Variants in LGR4 observed in about 807,000 individuals in gnomAD.
LGR4 encodes the protein leucine rich repeat containing G protein-coupled receptor 4, also known as leucine-rich repeat-containing G protein-coupled receptor 4.
A neutral mutation model predicts 84.8 loss-of-function variants in LGR4; 44 were observed. The ratio of observed to expected loss-of-function variants is 0.52; its 90% confidence interval spans 0.41 to 0.67. The LOEUF (loss-of-function observed/expected upper bound fraction) is 0.67, where lower values mean the gene tolerates loss of function less well. LGR4 is among the 30% of genes least tolerant of loss of function. The probability of loss-of-function intolerance (pLI) is 0.00; values close to 1 mark genes in which losing one functional copy is unlikely to be tolerated. For missense variants in LGR4, 1,032 were observed against 1,131.4 expected, an observed-to-expected ratio of 0.91 and a Z score of 1.26; for synonymous variants, 429 against 434.3, an observed-to-expected ratio of 0.99 and a Z score of 0.15.
At chr11:27,380,550 T>G (rs1863072826) in intron 9 of LGR4, 90 bp downstream of exon 9, 2 of 974,274 alleles carry the variant, frequency 2.1e-6, no homozygotes, top group Middle Eastern at 3.2e-4. Context: ...TTTAAAGATT[T>G]TGTTTTCTGG....
intron 13 of LGR4, 74 bp downstream of exon 13, chr11:27,376,225 C>G: frequency 2.3e-6 from 2 of 852,054 alleles, no homozygotes; most frequent in South Asian, 3.0e-5. Context: ...TATCTAGTAA[C>G]ATGGAAATCA....
intron 1 of LGR4, among the ~76,000 whole-genome samples, chr11:27,460,833 C>G (rs1209868066): frequency 1.3e-5 from 2 of 151,764 alleles, no homozygotes; most frequent in Non-Finnish European, 2.9e-5. Context: ...GGGACTGGGT[C>G]AAGCTATTCA....
At position 27,472,638 on chromosome 11, in the gene LGR4, C is replaced by G. The variant is rs1444310464; in HGVS notation, c.-336G>C. ...TCCCTGGCCTCTCAATGCAGCGGCT[C>G]TTCAAGGTTGCAGAGCGCAGCCTTC... On this transcript the variant is annotated 5_prime_UTR_variant, in exon 1 of 18. Coordinates refer to ENST00000379214, the MANE Select transcript of LGR4 (RefSeq NM_018490.5). The G allele has an allele frequency of 8.4e-6, 3 of 357,384 alleles. No homozygotes were observed. The highest frequency in any genetic ancestry group is 1.5e-5 in the Non-Finnish European group (3 of 199,480). 22.1% of individuals were successfully genotyped at this position (357,384 alleles called of 1,614,324 possible). A position where few individuals can be genotyped will look rare whatever the true frequency, so the allele number is the denominator to read the frequency against.
At chr11:27,391,235 C>CT (rs35556457) in intron 3 of LGR4, 70 bp from the exon 4 acceptor site, 90 of 444,672 alleles carry the variant, frequency 2.0e-4, no homozygotes, top group African/African-American at 8.2e-4. Context: ...AATTCAGAGC[C>CT]TTTTTTTTTT....
At chr11:27,460,323 CA>C (rs1415281657) in intron 1 of LGR4, among the ~76,000 whole-genome samples, 2 of 152,048 alleles carry the variant, frequency 1.3e-5, no homozygotes, top group Admixed American at 1.3e-4. Context: ...GGACAATGAT[CA>C]ATTGATCTCT....
rs1313810150 is a variant in LGR4, at chr11:27,439,899, CTCT to C, written c.186-27042_186-27040del. Among the ~76,000 whole-genome samples the C allele has an allele frequency of 3.5e-4, 49 of 139,374 alleles. 1 individual carries two copies. Among genetic ancestry groups the C allele is most frequent in the Middle Eastern group, 3.8e-3 (1 of 262 alleles). The allele number at this position is 139,374 out of a possible 152,430, so 91.4% of individuals were successfully genotyped here. A position where few individuals can be genotyped will look rare whatever the true frequency, so the allele number is the denominator to read the frequency against. On this transcript the variant is annotated intron_variant, in intron 1 of 17. Transcript: ENST00000379214. ...TCTGGTTTTCCTTGAGGTAGGATTTCTCTTTTTTTTTTTTTTTTTTTTTTGAGA... is the reference window on the plus strand; with the variant it reads ...TCTGGTTTTCCTTGAGGTAGGATTTCTTTTTTTTTTTTTTTTTTTTTGAGA...
chr11:27,471,747 C>G (rs1238161394), intron 1 of LGR4: 2 of 164,906 alleles, frequency 1.2e-5, no homozygotes, highest in Non-Finnish European at 2.6e-5. Flanking sequence ...AGCGAGGGCC[C>G]TCATGAGAAG....
At chr11:27,387,463 A>G (rs1362931213) in intron 4 of LGR4, among the ~76,000 whole-genome samples, 1 of 152,212 alleles carries the variant, frequency 6.6e-6, no homozygotes, top group East Asian at 1.9e-4. Context: ...TTAAAGTGAG[A>G]CCTAAAGAAA....
intron 3 of LGR4, among the ~76,000 whole-genome samples, chr11:27,392,125 C>T (rs555716088): frequency 2.6e-5 from 4 of 152,208 alleles, no homozygotes; most frequent in Admixed American, 2.0e-4. Flanking sequence ...GTTCTTATAG[C>T]TATAAAATAA....
intron 10 of LGR4, among the ~76,000 whole-genome samples, chr11:27,379,913 C>A (rs1209077191): frequency 1.3e-5 from 2 of 152,212 alleles, no homozygotes; most frequent in Non-Finnish European, 2.9e-5. Flanking sequence ...AAATTAAACA[C>A]TCAGCTCTGG....
intron 2 of LGR4, among the ~76,000 whole-genome samples, chr11:27,395,951 G>A (rs1421922651): frequency 1.3e-5 from 2 of 152,126 alleles, no homozygotes; most frequent in African/African-American, 4.8e-5. Flanking sequence ...AGCAAGGTTA[G>A]GAAAAAAATC....
chr11:27,468,112 GA>G (rs201306188), intron 1 of LGR4, among the ~76,000 whole-genome samples: 2,855 of 151,690 alleles, frequency 0.019, 85 homozygotes, highest in African/African-American at 0.064. Flanking sequence ...AGTAGTGGGG[GA>G]AAAAAAATAC....
intron 1 of LGR4, among the ~76,000 whole-genome samples, chr11:27,424,936 C>T (rs547801518): frequency 1.3e-5 from 2 of 152,168 alleles, no homozygotes; most frequent in African/African-American, 2.4e-5. Flanking sequence ...GTAGTAGAGA[C>T]GGGGTTTCAC....
chr11:27,385,531 C>T (rs538059455), intron 4 of LGR4, 63 bp from the exon 5 acceptor site: 2 of 1,034,554 alleles, frequency 1.9e-6, no homozygotes, highest in Non-Finnish European at 2.8e-6. Context: ...CAGTTCAAGT[C>T]TCACAACTCA....
At chr11:27,405,320 T>TG (rs1863584960) in intron 2 of LGR4, among the ~76,000 whole-genome samples, 1 of 152,166 alleles carries the variant, frequency 6.6e-6, no homozygotes, top group South Asian at 2.1e-4. Flanking sequence ...CTCCGGCACT[T>TG]GGTCTTCTTC....
chr11:27,412,687 C>G (rs1863733480), intron 2 of LGR4, 102 bp downstream of exon 2: 1 of 783,168 alleles, frequency 1.3e-6, no homozygotes. Flanking sequence ...ATTAAGCTAT[C>G]AGAATGTCTA....
intron 11 of LGR4, among the ~76,000 whole-genome samples, chr11:27,377,581 T>C (rs1863008779): frequency 6.6e-6 from 1 of 152,032 alleles, no homozygotes; most frequent in African/African-American, 2.4e-5. Flanking sequence ...GCTACATTTT[T>C]TTAAATTTGT....
intron 3 of LGR4, 138 bp from the exon 4 acceptor site, chr11:27,391,303 C>G (rs1233514937): frequency 1.8e-6 from 1 of 562,376 alleles, no homozygotes; most frequent in African/African-American, 2.0e-5. Context: ...TGGAAAGCAT[C>G]TAAGACAAGA....
In LGR4 at chr11:27,366,128, G is replaced by C. The variant is rs903255092; in HGVS notation, c.*1739C>G. On this transcript the variant is annotated 3_prime_UTR_variant, in exon 18 of 18. Coordinates refer to ENST00000379214, the MANE Select transcript of LGR4 (RefSeq NM_018490.5). ...TTTGGAAAAAACCTTTTAATTAGGA[G>C]TTTCTTACCAAGTTATGATTTAATA... 1.3e-5 allele frequency: 2 copies of C among 152,448 alleles called. No individual in the cohort carries two copies. The highest frequency in any genetic ancestry group is 2.9e-5 in the Non-Finnish European group (2 of 67,942). 9.4% of individuals were successfully genotyped at this position (152,448 alleles called of 1,614,324 possible).
Sources: gnomAD v4.1 joint callset for allele counts (sites outside exome capture counted in the v4.1 genomes callset) on GRCh38, gnomAD v4.1.1 for gene constraint, MANE v1.5 for transcripts, NCBI Gene and HGNC (gene_info 2026-07-23, HGNC 2026-07-21) for gene names.